The following POLA1 variants were observed in gnomAD, a reference collection of about 807,000 sequenced individuals.
The protein encoded by POLA1 is DNA polymerase alpha catalytic subunit.
Under a neutral mutation model 124.0 loss-of-function variants are expected in POLA1, and 15 were observed. The observed-to-expected ratio is 0.12, with a 90% CI of 0.08 to 0.19. The LOEUF (loss-of-function observed/expected upper bound fraction) is 0.19. Ranked by LOEUF, POLA1 falls within the 10% of genes least tolerant of loss-of-function variation. The probability of loss-of-function intolerance (pLI) is 1.00; values close to 1 mark genes in which losing one functional copy is unlikely to be tolerated. For synonymous variants in POLA1, 408 were observed against 389.4 expected (o/e 1.05, Z -0.56); for missense variants, 886 against 1,103.4 (o/e 0.80, Z 2.79).
At chrX:24,813,811 C>CA (rs553323828) in intron 29 of POLA1, among the ~76,000 whole-genome samples, 1,901 of 33,449 alleles carry the variant, frequency 0.057, 56 homozygotes, top group Middle Eastern at 0.11. Context: ...GAGACGCCGT[C>CA]AAAAAAAAAA....
chrX:24,843,762 G>A (rs937096407), intron 34 of POLA1, 85 bp downstream of exon 34: 3 of 672,838 alleles, frequency 4.5e-6, no homozygotes, highest in South Asian at 1.1e-4. Flanking sequence ...CTAAAATTTT[G>A]AAAAGACTTT....
At chrX:24,780,988 G>C (rs1401165730) in intron 26 of POLA1, among the ~76,000 whole-genome samples, 1 of 112,393 alleles carries the variant, frequency 8.9e-6, no homozygotes, top group Non-Finnish European at 1.9e-5. Context: ...TTGTTTGACA[G>C]ACAGTCAAGT....
At chrX:24,914,626 G>A (rs1371468263) in intron 35 of POLA1, among the ~76,000 whole-genome samples, 2 of 110,109 alleles carry the variant, frequency 1.8e-5, no homozygotes, top group Admixed American at 1.9e-4. Flanking sequence ...CTTCAAATAA[G>A]AATGTAAAGC....
At chrX:24,866,481 A>G (rs1416851191) in intron 34 of POLA1, among the ~76,000 whole-genome samples, 1 of 111,967 alleles carries the variant, frequency 8.9e-6, no homozygotes, top group African/African-American at 3.2e-5. Context: ...CAATCCTTTA[A>G]CATTCAGAGA....
intron 34 of POLA1, among the ~76,000 whole-genome samples, chrX:24,881,068 C>G (rs373098557): frequency 2.7e-5 from 3 of 111,889 alleles, no homozygotes; most frequent in East Asian, 5.6e-4. Context: ...TCTTCCCCTG[C>G]TGCCTGTTTT....
intron 36 of POLA1, among the ~76,000 whole-genome samples, chrX:24,949,956 A>T (rs1348208135): frequency 9.2e-6 from 1 of 108,582 alleles, no homozygotes; most frequent in Non-Finnish European, 1.9e-5. Context: ...CTGGTCTCCA[A>T]CTCCTGACCT....
intron 4 of POLA1, among the ~76,000 whole-genome samples, chrX:24,709,197 A>T (rs1243797594): frequency 1.4e-5 from 1 of 73,899 alleles, no homozygotes; most frequent in Admixed American, 1.4e-4. Context: ...AGGGGGGCTG[A>T]CCCCCCCACC....
At chrX:24,919,123 G>A (rs1028886947) in intron 35 of POLA1, among the ~76,000 whole-genome samples, 31 of 111,860 alleles carry the variant, frequency 2.8e-4, no homozygotes, top group Non-Finnish European at 4.9e-4. Context: ...TGGTTCCACA[G>A]TGTGTGCTCT....
chrX:24,911,322 G>T (rs973235203), intron 35 of POLA1, among the ~76,000 whole-genome samples: 1 of 111,262 alleles, frequency 9.0e-6, no homozygotes. Flanking sequence ...CAAGTTTTAA[G>T]GTATTGGTAT....
intron 35 of POLA1, among the ~76,000 whole-genome samples, chrX:24,920,314 T>G (rs1215299523): frequency 2.7e-5 from 3 of 111,765 alleles, no homozygotes; most frequent in Non-Finnish European, 5.6e-5. Flanking sequence ...TTTGGCTTGG[T>G]CAGTTTCTCA....
chrX:24,732,429 G>A lies in POLA1; in HGVS notation c.1746G>A (p.Lys582=), dbSNP rs867533395. The A allele has an allele frequency of 8.4e-7, 1 of 1,185,121 alleles. No individual in the cohort carries two copies. The highest frequency in any genetic ancestry group is 2.2e-5 in the Admixed American group (1 of 45,941). Residue 582 remains lysine (K), a synonymous_variant, in exon 16 of 37, where the codon AAG becomes AAA. Transcript: ENST00000379068. ...TTGCATTGGATAAAGCAGCCCCAAA[G>A]CCTCCCTTTCAGTCACACTTCTGTG... ...HSFALDKAAP[K]PPFQSHFCVV... is the part of the protein sequence containing the mutation.
intron 22 of POLA1, 90 bp from the exon 23 acceptor site, chrX:24,743,140 G>A: frequency 2.0e-6 from 1 of 501,247 alleles, no homozygotes; most frequent in Non-Finnish European, 3.3e-6. Context: ...TTAGAACTAA[G>A]TCCTGCAATT....
chrX:24,942,065 G>C (rs1345993452), intron 36 of POLA1, among the ~76,000 whole-genome samples: 1 of 112,003 alleles, frequency 8.9e-6, no homozygotes, highest in Non-Finnish European at 1.9e-5. Flanking sequence ...TGTCCTATAT[G>C]ATATTGCTTC....
intron 35 of POLA1, among the ~76,000 whole-genome samples, chrX:24,903,319 G>C (rs1038942191): frequency 8.9e-6 from 1 of 112,646 alleles, no homozygotes; most frequent in African/African-American, 3.2e-5. Context: ...CACCTTAACT[G>C]TCTCCCTGCT....
At chrX:24,928,202 C>T (rs2047722820) in intron 35 of POLA1, among the ~76,000 whole-genome samples, 1 of 111,301 alleles carries the variant, frequency 9.0e-6, no homozygotes. Flanking sequence ...TTTTCCTTAT[C>T]CATTTAGGCA....
chrX:24,945,613 T>A (rs1370346317), intron 36 of POLA1, among the ~76,000 whole-genome samples: 2 of 111,859 alleles, frequency 1.8e-5, no homozygotes, highest in African/African-American at 6.5e-5. Flanking sequence ...CAAGCCAGAT[T>A]TCTGATTGAG....
chrX:24,904,921 T>C (rs897035858), intron 35 of POLA1, among the ~76,000 whole-genome samples: 1 of 107,703 alleles, frequency 9.3e-6, no homozygotes, highest in Non-Finnish European at 1.9e-5. Flanking sequence ...CTACTTAGGA[T>C]GCTAAGGCAG....
intron 35 of POLA1, among the ~76,000 whole-genome samples, chrX:24,919,335 T>C (rs901800519): frequency 1.8e-5 from 2 of 111,903 alleles, no homozygotes; most frequent in Non-Finnish European, 3.8e-5. Flanking sequence ...TAAATAGTTA[T>C]AATACTCACT....
intron 34 of POLA1, among the ~76,000 whole-genome samples, chrX:24,866,790 T>TA (rs2046800150): frequency 8.9e-6 from 1 of 112,335 alleles, no homozygotes; most frequent in Non-Finnish European, 1.9e-5. Flanking sequence ...ACACAAGCTT[T>TA]ACTGGATAGA....
Sources: allele counts gnomAD v4.1 joint callset (sites outside exome capture counted in the v4.1 genomes callset), GRCh38; gene constraint gnomAD v4.1.1; transcripts MANE v1.5; gene names NCBI Gene and HGNC (gene_info 2026-07-23, HGNC 2026-07-21).